Variants in SCYL2 observed in about 807,000 individuals in gnomAD.
The protein encoded by SCYL2 is SCY1 like pseudokinase 2.
In SCYL2, 36 loss-of-function variants were observed where a neutral mutation model predicts 100.4. The ratio of observed to expected loss-of-function variants is 0.36; its 90% CI spans 0.27 to 0.47. The LOEUF (loss-of-function observed/expected upper bound fraction) is 0.47, where lower values mean the gene tolerates loss of function less well. SCYL2 is among the 20% of genes least tolerant of loss of function. The pLI is 1.00. For missense variants in SCYL2, 902 were observed against 1,083.9 expected (o/e 0.83, Z 2.36); for synonymous variants, 330 against 359.2 (o/e 0.92, Z 0.92).
In SCYL2 at chr12:100,283,102, G is replaced by T; in HGVS notation, c.132G>T (p.Gly44=). Residue 44 remains glycine (G), a synonymous_variant, in exon 2 of 18, where the codon GGG becomes GGT. Transcript: ENST00000360820. ...GACACATTGCCAGTGGTGGCAATGG[G>T]CTAGCTTGGAAGATTTTTAATGGCA... is the stretch of plus-strand genomic sequence containing the variant. The part of the protein sequence containing the change: ...VGRHIASGGN[G]LAWKIFNGTK... 6.2e-7 allele frequency: 1 copy of T among 1,610,896 alleles called. No individual in the cohort carries two copies. The highest frequency in any genetic ancestry group is 1.3e-5 in the African/African-American group (1 of 74,870).
At chr12:100,333,131 A>G (rs1049649935) in intron 13 of SCYL2, among the ~76,000 whole-genome samples, 15 of 150,518 alleles carry the variant, frequency 1.0e-4, no homozygotes, top group African/African-American at 2.4e-4. Flanking sequence ...GTGTTAGTAT[A>G]CTTCAATAAA....
intron 12 of SCYL2, 102 bp downstream of exon 12, chr12:100,326,856 T>A: frequency 1.1e-6 from 1 of 938,244 alleles, no homozygotes; most frequent in Non-Finnish European, 1.6e-6. Flanking sequence ...TAGCATTTCA[T>A]AATTGAAGAA....
chr12:100,281,019 G>GTTTTTTTTTTTTTTTTTTTT (rs202048587), intron 1 of SCYL2, among the ~76,000 whole-genome samples: 1 of 50,492 alleles, frequency 2.0e-5, no homozygotes, highest in African/African-American at 6.9e-5. Flanking sequence ...TACCATCAGT[G>GTTTTTTTTTTTTTTTTTTTT]TTTTTTTTTT....
chr12:100,280,010 G>T (rs2096296380), intron 1 of SCYL2, among the ~76,000 whole-genome samples: 1 of 152,194 alleles, frequency 6.6e-6, no homozygotes, highest in East Asian at 1.9e-4. Context: ...TCTCAATTCA[G>T]CTAGATAGCT....
At chr12:100,271,355 G>C (rs2096287503) in intron 1 of SCYL2, among the ~76,000 whole-genome samples, 1 of 150,940 alleles carries the variant, frequency 6.6e-6, no homozygotes, top group Non-Finnish European at 1.5e-5. Context: ...GGGAGTATAA[G>C]CACACGTATT....
chr12:100,291,663 A>G lies in SCYL2; in HGVS notation c.335+3A>G. Reference sequence around the variant, plus strand: ...CAGCATCCTTTAGAAGAATCCAGGTAAATTTTTACAAAAACTTACATAGTA... The same window carrying G: ...CAGCATCCTTTAGAAGAATCCAGGTGAATTTTTACAAAAACTTACATAGTA... On this transcript the variant is annotated splice_donor_region_variant and intron_variant, in intron 3 of 17. Transcript: ENST00000360820. 1 of 1,566,840 alleles carries G rather than the reference A, an allele frequency of 6.4e-7. No homozygotes were observed. The highest frequency in any genetic ancestry group is 8.6e-7 in the Non-Finnish European group (1 of 1,165,960).
chr12:100,334,279 C>T lies in SCYL2; in HGVS notation c.1862+13C>T. On this transcript the variant is annotated intron_variant, in intron 14 of 17. Coordinates refer to ENST00000360820, the MANE Select transcript of SCYL2 (RefSeq NM_017988.6). ...AAGAACAGCAGAAGTAAGTAGGTTG[C>T]ACATGAATTATATGTGGTCCGGGAG... 7.1e-7 allele frequency: 1 copy of T among 1,411,532 alleles called. No homozygotes were observed. The highest frequency in any genetic ancestry group is 1.0e-6 in the Non-Finnish European group (1 of 1,002,620). The allele number at this position is 1,411,532 out of a possible 1,614,324, so 87.4% of individuals were successfully genotyped here. A position where few individuals can be genotyped will look rare whatever the true frequency, so the allele number is the denominator to read the frequency against.
chr12:100,284,794 A>G (rs1382194217), intron 2 of SCYL2, among the ~76,000 whole-genome samples: 1 of 152,182 alleles, frequency 6.6e-6, no homozygotes, highest in East Asian at 1.9e-4. Context: ...ATTTAGAAGC[A>G]GCTCTTAGTT....
At chr12:100,308,153 A>G (rs1214502642) in intron 4 of SCYL2, among the ~76,000 whole-genome samples, 1 of 152,194 alleles carries the variant, frequency 6.6e-6, no homozygotes, top group Admixed American at 6.5e-5. Context: ...TATCCAAAGG[A>G]TTATAAATGA....
In SCYL2 at chr12:100,288,065, T is replaced by C. The variant is rs1460020491; in HGVS notation, c.178-3438T>C. Among the ~76,000 whole-genome samples the C allele has an allele frequency of 2.6e-5, 4 of 152,054 alleles. No individual in the cohort carries two copies. In the East Asian group the frequency reaches 7.7e-4, roughly 29 times the overall value. ...GTATAGAAAAGTAGTAAAAGAAAAA[T>C]GAAATTAGATTATGATGTATTCTGA... is the stretch of plus-strand genomic sequence containing the variant. On this transcript the variant is annotated intron_variant, in intron 2 of 17. Transcript: ENST00000360820.
chr12:100,289,749 G>C (rs2096308431), intron 2 of SCYL2, among the ~76,000 whole-genome samples: 1 of 152,172 alleles, frequency 6.6e-6, no homozygotes, highest in South Asian at 2.1e-4. Context: ...AGGTTTGTGT[G>C]ACTCTGGAAA....
At chr12:100,288,921 G>A (rs2096307436) in intron 2 of SCYL2, among the ~76,000 whole-genome samples, 1 of 150,502 alleles carries the variant, frequency 6.6e-6, no homozygotes, top group African/African-American at 2.4e-5. Context: ...TCACTGTGCT[G>A]CCCAGGCTCC....
chr12:100,325,001 C>T (rs1009065117), intron 11 of SCYL2, among the ~76,000 whole-genome samples: 2 of 152,056 alleles, frequency 1.3e-5, no homozygotes, highest in African/African-American at 4.8e-5. Context: ...GAGGCTGAGG[C>T]GAGTGGATCT....
At chr12:100,291,057 A>G (rs929335596) in intron 2 of SCYL2, among the ~76,000 whole-genome samples, 1 of 152,218 alleles carries the variant, frequency 6.6e-6, no homozygotes, top group Non-Finnish European at 1.5e-5. Flanking sequence ...ATTCATATGT[A>G]AAAGATACTA....
intron 1 of SCYL2, among the ~76,000 whole-genome samples, chr12:100,277,503 C>A (rs923156202): frequency 2.6e-5 from 4 of 152,172 alleles, no homozygotes; most frequent in Non-Finnish European, 4.4e-5. Flanking sequence ...TTTGTCATTA[C>A]AAAATGACTT....
intron 16 of SCYL2, among the ~76,000 whole-genome samples, chr12:100,336,584 G>A (rs538256078): frequency 1.4e-4 from 21 of 151,918 alleles, no homozygotes; most frequent in Non-Finnish European, 2.2e-4. Flanking sequence ...TTCCAGCAGG[G>A]GTACATGATG....
At chr12:100,327,943 G>A (rs1175122267) in intron 12 of SCYL2, among the ~76,000 whole-genome samples, 1 of 152,124 alleles carries the variant, frequency 6.6e-6, no homozygotes, top group Non-Finnish European at 1.5e-5. Context: ...GACATGGAAG[G>A]TACTCTAGGG....
chr12:100,275,464 G>A (rs1211664769), intron 1 of SCYL2, among the ~76,000 whole-genome samples: 3 of 152,128 alleles, frequency 2.0e-5, no homozygotes, highest in African/African-American at 7.2e-5. Flanking sequence ...CCAAGGTGCT[G>A]GGATTACAGG....
In SCYL2 at chr12:100,267,366, C is replaced by A; in HGVS notation, c.-455C>A. On this transcript the variant is annotated 5_prime_UTR_variant, in exon 1 of 18. Coordinates refer to ENST00000360820, the MANE Select transcript of SCYL2 (RefSeq NM_017988.6). ...ATTAGGGGGGCGGGGGGAAAGAGCC[C>A]CAGCACCGCCCCTCCTGGAAGAAGG... The A allele has an allele frequency of 3.2e-6, 1 of 309,126 alleles. No individual in the cohort carries two copies. Among genetic ancestry groups the A allele is most frequent in the East Asian group, 6.0e-5 (1 of 16,606 alleles). 19.1% of individuals were successfully genotyped at this position (309,126 alleles called of 1,614,324 possible).
Sources: gnomAD v4.1 joint callset for allele counts (sites outside exome capture counted in the v4.1 genomes callset) on GRCh38, gnomAD v4.1.1 for gene constraint, MANE v1.5 for transcripts, NCBI Gene and HGNC (gene_info 2026-07-23, HGNC 2026-07-21) for gene names.